GFOD1: variants seen among roughly 807,000 people sequenced by gnomAD.
GFOD1 encodes the protein glucose-fructose oxidoreductase domain-containing protein 1.
In GFOD1, 9 loss-of-function variants were observed where a neutral mutation model predicts 25.4. The ratio of observed to expected loss-of-function variants is 0.35; its 90% CI spans 0.21 to 0.62. The LOEUF (loss-of-function observed/expected upper bound fraction) is 0.62, where lower values mean the gene tolerates loss of function less well. Among genes scored for constraint, GFOD1 ranks in the 20% least tolerant of loss-of-function variants. The pLI, the probability that GFOD1 is intolerant of heterozygous loss-of-function variation, is 0.72. For missense variants in GFOD1, 403 were observed against 556.9 expected, an observed-to-expected ratio of 0.72 and a Z score of 2.78; for synonymous variants, 253 against 245.6, an observed-to-expected ratio of 1.03 and a Z score of -0.28.
chr6:13,477,214 GGGGTGTGTGTGTGT>G (rs1054712021), intron 1 of GFOD1, among the ~76,000 whole-genome samples: 34 of 7,680 alleles, frequency 4.4e-3, no homozygotes, highest in African/African-American at 7.4e-3. Flanking sequence ...GAACCAATAG[GGGGTGTGTGTGTGT>G]GTGTGTGTGT....
intron 1 of GFOD1, among the ~76,000 whole-genome samples, chr6:13,476,176 C>T (rs1758620793): frequency 1.3e-5 from 2 of 152,152 alleles, no homozygotes; most frequent in East Asian, 1.9e-4. Flanking sequence ...AATCACTTAA[C>T]ACTGGAAACA....
At chr6:13,410,577 G>GGGGAGAGAGAGAGAGAGA (rs1398916063) in intron 1 of GFOD1, among the ~76,000 whole-genome samples, 1 of 128,086 alleles carries the variant, frequency 7.8e-6, no homozygotes, top group Admixed American at 7.6e-5. Flanking sequence ...AAGAAAGAAA[G>GGGGAGAGAGAGAGAGAGA]GAGAGAGAGA....
At chr6:13,441,797 TGATA>T (rs928452333) in intron 1 of GFOD1, among the ~76,000 whole-genome samples, 47 of 152,290 alleles carry the variant, frequency 3.1e-4, no homozygotes, top group African/African-American at 1.1e-3. Context: ...GAAGTAAATG[TGATA>T]GATAGATAGA....
Position 13,409,183 on chromosome 6 carries a change from G to GAA in GFOD1, c.254-43522_254-43521insTT, listed in dbSNP as rs1265712099. ...GAAAGAAAGGAAAGAGAGAGAGAGA[G>GAA]AGAAAGAAAGAAAGAAAGAGAAAGA... On this transcript the variant is annotated intron_variant, in intron 1 of 1. Transcript: ENST00000379287. Among the ~76,000 whole-genome samples, 200 of 52,008 alleles carry GAA rather than the reference G, an allele frequency of 3.8e-3. 5 individuals are homozygous for GAA. Among genetic ancestry groups the GAA allele is most frequent in the Admixed American group, 6.4e-3 (24 of 3,724 alleles). The allele number at this position is 52,008 out of a possible 152,430, so 34.1% of individuals were successfully genotyped here. A position where few individuals can be genotyped will look rare whatever the true frequency, so the allele number is the denominator to read the frequency against.
chr6:13,420,022 T>A (rs982835422), intron 1 of GFOD1, among the ~76,000 whole-genome samples: 5 of 152,180 alleles, frequency 3.3e-5, no homozygotes, highest in Admixed American at 3.3e-4. Context: ...GTGAGCTCCA[T>A]GCAGGCAGGA....
At chr6:13,410,032 G>A (rs1172594789) in intron 1 of GFOD1, among the ~76,000 whole-genome samples, 4 of 117,286 alleles carry the variant, frequency 3.4e-5, no homozygotes, top group Non-Finnish European at 6.9e-5. Flanking sequence ...TTTTAGATTG[G>A]CAGGGTAAAC....
chr6:13,415,286 G>A (rs149560497), intron 1 of GFOD1, among the ~76,000 whole-genome samples: 1 of 152,290 alleles, frequency 6.6e-6, no homozygotes, highest in Non-Finnish European at 1.5e-5. Flanking sequence ...TCTAGAATGT[G>A]CTTGCCTGTG....
chr6:13,440,197 T>C (rs1247844240), intron 1 of GFOD1, among the ~76,000 whole-genome samples: 2 of 152,180 alleles, frequency 1.3e-5, no homozygotes, highest in African/African-American at 4.8e-5. Flanking sequence ...TCTTTTTTTT[T>C]TGTTTTTTTG....
At chr6:13,397,631 T>C (rs1785759083) in intron 1 of GFOD1, among the ~76,000 whole-genome samples, 1 of 152,198 alleles carries the variant, frequency 6.6e-6, no homozygotes, top group Non-Finnish European at 1.5e-5. Flanking sequence ...GCTTCCACTT[T>C]AGAAGCCAAT....
intron 1 of GFOD1, among the ~76,000 whole-genome samples, chr6:13,483,325 G>T (rs1218579769): frequency 6.6e-6 from 1 of 152,124 alleles, no homozygotes; most frequent in Non-Finnish European, 1.5e-5. Flanking sequence ...ACCTGGACAT[G>T]TGCGCCAACA....
At chr6:13,425,202 C>T (rs1353977764) in intron 1 of GFOD1, among the ~76,000 whole-genome samples, 1 of 152,118 alleles carries the variant, frequency 6.6e-6, no homozygotes, top group Non-Finnish European at 1.5e-5. Flanking sequence ...TCAAGGAATC[C>T]TCCCACCTCA....
intron 1 of GFOD1, among the ~76,000 whole-genome samples, chr6:13,432,576 T>A (rs1421025501): frequency 1.3e-5 from 2 of 152,076 alleles, no homozygotes; most frequent in Non-Finnish European, 2.9e-5. Flanking sequence ...AATTTCCTAT[T>A]TCCACGTCAG....
chr6:13,439,271 CA>C (rs1757879515), intron 1 of GFOD1, among the ~76,000 whole-genome samples: 1 of 152,194 alleles, frequency 6.6e-6, no homozygotes, highest in South Asian at 2.1e-4. Flanking sequence ...TCTGTAATTT[CA>C]AGTGGATTTG....
chr6:13,395,380 T>C (rs1452684877), intron 1 of GFOD1, among the ~76,000 whole-genome samples: 4 of 152,200 alleles, frequency 2.6e-5, no homozygotes. Flanking sequence ...AAAGAGCCTA[T>C]AAACCACCCG....
intron 1 of GFOD1, among the ~76,000 whole-genome samples, chr6:13,436,736 C>G (rs1757838735): frequency 6.6e-6 from 1 of 152,226 alleles, no homozygotes; most frequent in Non-Finnish European, 1.5e-5. Context: ...ACCGCTATTG[C>G]TGAATTGCTG....
chr6:13,473,884 G>A (rs1289149378), intron 1 of GFOD1, among the ~76,000 whole-genome samples: 1 of 152,120 alleles, frequency 6.6e-6, no homozygotes, highest in African/African-American at 2.4e-5. Context: ...CACCAAAGAG[G>A]GGAAGTGCAC....
At chr6:13,413,826 T>C (rs945257314) in intron 1 of GFOD1, among the ~76,000 whole-genome samples, 6 of 152,144 alleles carry the variant, frequency 3.9e-5, no homozygotes, top group Non-Finnish European at 8.8e-5. Flanking sequence ...CGAGGTTCAA[T>C]CTCAAAGCTT....
In GFOD1 at chr6:13,361,220, AGAG is replaced by A. The variant is rs1784942101; in HGVS notation, c.*3520_*3522del. ...TGCCCTACAATGCAATTGTCTGTTG[AGAG>A]GAGAAGTCTTGGAGGAGCTGACAGT... On this transcript the variant is annotated 3_prime_UTR_variant, in exon 2 of 2. Coordinates refer to ENST00000379287, the MANE Select transcript of GFOD1 (RefSeq NM_018988.4). 3 of 222,860 alleles carry A rather than the reference AGAG, an allele frequency of 1.3e-5. No individual in the cohort carries two copies. Among genetic ancestry groups the A allele is most frequent in the Admixed American group, 1.0e-4 (2 of 19,190 alleles). The allele number at this position is 222,860 out of a possible 1,614,324, so 13.8% of individuals were successfully genotyped here. A position where few individuals can be genotyped will look rare whatever the true frequency, so the allele number is the denominator to read the frequency against.
At chr6:13,438,435 A>G (rs991808992) in intron 1 of GFOD1, among the ~76,000 whole-genome samples, 1 of 152,160 alleles carries the variant, frequency 6.6e-6, no homozygotes, top group Non-Finnish European at 1.5e-5. Context: ...GCCTGTAACC[A>G]CTCAAGAGTA....
Sources: allele counts gnomAD v4.1 joint callset (sites outside exome capture counted in the v4.1 genomes callset), GRCh38; gene constraint gnomAD v4.1.1; transcripts MANE v1.5; gene names NCBI Gene and HGNC (gene_info 2026-07-23, HGNC 2026-07-21).